PCED1B: variants seen among roughly 807,000 people sequenced by gnomAD.
PCED1B encodes the protein PC-esterase domain containing 1B.
For synonymous variants in PCED1B, 251 were observed against 246.1 expected, an observed-to-expected ratio of 1.02 and a Z score of -0.19; for missense variants, 573 against 573.9, an observed-to-expected ratio of 1.00 and a Z score of 0.02.
At chr12:47,133,882 C>T (rs1940235072) in intron 2 of PCED1B, among the ~76,000 whole-genome samples, 5 of 152,234 alleles carry the variant, frequency 3.3e-5, no homozygotes, top group Admixed American at 2.0e-4. Flanking sequence ...GGGATTAGTG[C>T]CCTTATAAAG....
At chr12:47,234,220 T>A (rs1169026446) in intron 3 of PCED1B, among the ~76,000 whole-genome samples, 1 of 152,098 alleles carries the variant, frequency 6.6e-6, no homozygotes, top group African/African-American at 2.4e-5. Flanking sequence ...ACTCCCGACC[T>A]CGGGTGATCC....
intron 2 of PCED1B, among the ~76,000 whole-genome samples, chr12:47,196,757 G>A (rs1001088072): frequency 2.0e-4 from 31 of 152,158 alleles, no homozygotes; most frequent in African/African-American, 5.8e-4. Flanking sequence ...CCCAGGAGAC[G>A]GAGGTTGCAG....
intron 1 of PCED1B, among the ~76,000 whole-genome samples, chr12:47,091,267 A>G (rs1352385167): frequency 6.6e-6 from 1 of 151,960 alleles, no homozygotes; most frequent in Non-Finnish European, 1.5e-5. Flanking sequence ...TTATGGTTTT[A>G]TGTTATTTTA....
chr12:47,094,007 A>G (rs764660838), intron 1 of PCED1B, among the ~76,000 whole-genome samples: 1 of 151,904 alleles, frequency 6.6e-6, no homozygotes, highest in African/African-American at 2.4e-5. Context: ...TTTTTCTGCT[A>G]TGTGTTTGAA....
chr12:47,203,411 G>A (rs1176171808), intron 2 of PCED1B, among the ~76,000 whole-genome samples: 2 of 152,010 alleles, frequency 1.3e-5, no homozygotes, highest in African/African-American at 4.8e-5. Flanking sequence ...CATCACCCAG[G>A]TATTAAGCCC....
rs55845460 is a variant in PCED1B at position 47,118,631 on chromosome 12, C to T, written c.-526+14436C>T. On this transcript the variant is annotated intron_variant, in intron 2 of 3. Transcript: ENST00000546455. ...GTTTGAAGTCAGGTAGCATGATGCC[C>T]CCAGCTTTGTTCTTTTGGCTTAGGA... Among the ~76,000 whole-genome samples the T allele has an allele frequency of 7.4e-3, 1,111 of 150,180 alleles. 14 individuals are homozygous for T. The highest frequency in any genetic ancestry group is 0.025 in the African/African-American group (1,044 of 40,978).
chr12:47,124,651 T>C (rs1939816195), intron 2 of PCED1B, among the ~76,000 whole-genome samples: 1 of 152,000 alleles, frequency 6.6e-6, no homozygotes, highest in Non-Finnish European at 1.5e-5. Flanking sequence ...CAGCAGTATA[T>C]GAGCATTCCA....
intron 2 of PCED1B, among the ~76,000 whole-genome samples, chr12:47,201,864 T>C (rs1476093678): frequency 6.6e-6 from 1 of 152,190 alleles, no homozygotes; most frequent in African/African-American, 2.4e-5. Context: ...CCTCTCGAAG[T>C]GCTGGAATTA....
At chr12:47,127,393 A>G (rs1395964232) in intron 2 of PCED1B, among the ~76,000 whole-genome samples, 1 of 146,180 alleles carries the variant, frequency 6.8e-6, no homozygotes, top group African/African-American at 2.5e-5. Context: ...TTTTGAGAAG[A>G]AGTCTCGCTT....
intron 2 of PCED1B, among the ~76,000 whole-genome samples, chr12:47,159,344 A>C (rs1941296723): frequency 6.6e-6 from 1 of 152,134 alleles, no homozygotes; most frequent in South Asian, 2.1e-4. Context: ...TAATGGCTGT[A>C]CTAATTGATA....
chr12:47,168,409 C>T (rs1941613234), intron 2 of PCED1B, among the ~76,000 whole-genome samples: 1 of 152,112 alleles, frequency 6.6e-6, no homozygotes, highest in Admixed American at 6.6e-5. Context: ...TTGTCTCTCT[C>T]TTATTTCTTA....
At chr12:47,194,692 T>A (rs1184744952) in intron 2 of PCED1B, among the ~76,000 whole-genome samples, 2 of 152,236 alleles carry the variant, frequency 1.3e-5, no homozygotes. Flanking sequence ...TATCCTCAGA[T>A]GACCTGCCAA....
At chr12:47,189,181 C>A (rs1313847895) in intron 2 of PCED1B, among the ~76,000 whole-genome samples, 1 of 152,066 alleles carries the variant, frequency 6.6e-6, no homozygotes, top group Non-Finnish European at 1.5e-5. Flanking sequence ...CTGAAAGTGA[C>A]CCTGAGAAGT....
intron 2 of PCED1B, among the ~76,000 whole-genome samples, chr12:47,143,377 A>T (rs987819375): frequency 3.9e-5 from 6 of 152,120 alleles, no homozygotes; most frequent in African/African-American, 1.4e-4. Flanking sequence ...GTTACAAGAA[A>T]CAAAATTAAC....
At position 47,230,931 on chromosome 12, in the gene PCED1B, A is replaced by G. The variant is rs551646025; in HGVS notation, c.-57-4076A>G. 3.3e-5 allele frequency among the ~76,000 whole-genome samples: 5 copies of G among 152,230 alleles called. No homozygotes were observed. In the South Asian group the frequency reaches 8.3e-4, roughly 25 times the overall value. On this transcript the variant is annotated intron_variant, in intron 3 of 3. Transcript: ENST00000546455. ...CATTATTACAAACAGTTTACGTTTA[A>G]TCCTCACATCAGATATATGAAGTGT...
In PCED1B at chr12:47,146,393, G is replaced by C. The variant is rs1172190558; in HGVS notation, c.-526+42198G>C. Among the ~76,000 whole-genome samples the C allele has an allele frequency of 1.3e-5, 2 of 152,136 alleles. 1 individual carries two copies. On this transcript the variant is annotated intron_variant, in intron 2 of 3. Transcript: ENST00000546455. ...TGATAAAGCAGTGGCAGGGTTTGAG[G>C]GGATTGACTCCAATTTTGAAATAAG...
chr12:47,136,294 C>T (rs1426550981), intron 2 of PCED1B, among the ~76,000 whole-genome samples: 6 of 152,114 alleles, frequency 3.9e-5, no homozygotes, highest in Non-Finnish European at 8.8e-5. Flanking sequence ...TTAGCCTGTC[C>T]ACCTGTCAAA....
chr12:47,229,663 A>G lies in PCED1B; in HGVS notation c.-57-5344A>G, dbSNP rs190713357. Among the ~76,000 whole-genome samples, 24 of 152,342 alleles carry G rather than the reference A, an allele frequency of 1.6e-4. 1 individual carries two copies. Among genetic ancestry groups the G allele is most frequent in the Admixed American group, 1.4e-3 (22 of 15,304 alleles). ...GTTTGTGTGCATTGAACCATCAGAA[A>G]GCAAAGGTGTCACAATCTTAACCAC... On this transcript the variant is annotated intron_variant, in intron 3 of 3. Coordinates refer to ENST00000546455, the MANE Select transcript of PCED1B (RefSeq NM_138371.3).
intron 2 of PCED1B, among the ~76,000 whole-genome samples, chr12:47,160,608 C>A (rs1296474317): frequency 6.6e-6 from 1 of 152,052 alleles, no homozygotes; most frequent in Non-Finnish European, 1.5e-5. Context: ...AGCCACAATA[C>A]CCAGCCAGCA....
Sources: gnomAD v4.1 joint callset for allele counts (sites outside exome capture counted in the v4.1 genomes callset) on GRCh38, gnomAD v4.1.1 for gene constraint, MANE v1.5 for transcripts, NCBI Gene and HGNC (gene_info 2026-07-23, HGNC 2026-07-21) for gene names.